CCDC33: variants seen among roughly 807,000 people sequenced by gnomAD.
CCDC33 encodes coiled-coil domain-containing protein 33.
In CCDC33, 94 loss-of-function variants were observed where a neutral mutation model predicts 91.9. That is an observed-to-expected ratio of 1.02 (90% CI 0.87 to 1.21). The LOEUF is 1.21. CCDC33 is among the 50% of genes most tolerant of loss of function. The pLI, the probability that CCDC33 is intolerant of heterozygous loss-of-function variation, is 0.00. For missense variants in CCDC33, 940 were observed against 935.5 expected (o/e 1.00, Z -0.06); for synonymous variants, 396 against 374.5 (o/e 1.06, Z -0.66).
At chr15:74,318,469 A>C in intron 11 of CCDC33, 99 of 460,710 alleles carry the variant, frequency 2.1e-4, no homozygotes, top group Middle Eastern at 4.8e-4. Context: ...AACAAAGGGG[A>C]AGTGGCCCCA....
At chr15:74,306,280 T>C (rs2059892596) in intron 11 of CCDC33, among the ~76,000 whole-genome samples, 2 of 152,154 alleles carry the variant, frequency 1.3e-5, no homozygotes, top group South Asian at 2.1e-4. Flanking sequence ...CCTCAGGAGA[T>C]TGTGGGAGCA....
chr15:74,259,826 C>T (rs879386282), intron 2 of CCDC33, among the ~76,000 whole-genome samples: 2 of 152,196 alleles, frequency 1.3e-5, no homozygotes, highest in Non-Finnish European at 2.9e-5. Flanking sequence ...TTCACACCTT[C>T]ATTTGTGTCT....
At chr15:74,281,913 T>C in intron 10 of CCDC33, 64 bp downstream of exon 10, 1 of 1,422,088 alleles carries the variant, frequency 7.0e-7, no homozygotes, top group Non-Finnish European at 9.9e-7. Flanking sequence ...TCCAACTTCC[T>C]TCACAATTGC....
upstream of CCDC33, among the ~76,000 whole-genome samples, chr15:74,232,212 T>C (rs1409677190): frequency 1.3e-5 from 2 of 151,984 alleles, no homozygotes; most frequent in Admixed American, 6.5e-5. Context: ...GATTGGGCCA[T>C]GGAGAGGGGC....
intron 12 of CCDC33, 70 bp from the exon 13 acceptor site, chr15:74,330,593 G>C: frequency 7.7e-7 from 1 of 1,306,034 alleles, no homozygotes; most frequent in Non-Finnish European, 1.1e-6. Context: ...CTGCCTTCCT[G>C]CTACTGACCA....
At chr15:74,327,252 C>A (rs1370022734) in intron 11 of CCDC33, among the ~76,000 whole-genome samples, 1 of 152,126 alleles carries the variant, frequency 6.6e-6, no homozygotes, top group African/African-American at 2.4e-5. Flanking sequence ...GAGACAGGGA[C>A]GCGGCCTCAC....
chr15:74,255,808 G>A (rs2075843649), intron 2 of CCDC33, among the ~76,000 whole-genome samples: 1 of 152,240 alleles, frequency 6.6e-6, no homozygotes, highest in African/African-American at 2.4e-5. Context: ...CCACTTTGGG[G>A]ACACGCTCTT....
intron 11 of CCDC33, among the ~76,000 whole-genome samples, chr15:74,320,307 A>G (rs953132797): frequency 1.3e-5 from 2 of 152,034 alleles, no homozygotes; most frequent in African/African-American, 4.8e-5. Flanking sequence ...ACCTTCCCTC[A>G]GTGTTCCCCA....
In CCDC33 at chr15:74,336,129, T is replaced by G; in HGVS notation, c.*76T>G. On this transcript the variant is annotated 3_prime_UTR_variant, in exon 19 of 19. Transcript: ENST00000398814. ...CCCTAAAAATGACGTTATTAAATGT[T>G]GTAGCTCTGTGAGCATTTTCCTCTT... The G allele has an allele frequency of 6.4e-7, 1 of 1,569,846 alleles. No individual in the cohort carries two copies. The highest frequency in any genetic ancestry group is 1.4e-5 in the African/African-American group (1 of 73,850).
At chr15:74,221,228 T>G (rs970010073) in intron 2 of CCDC33, 13 of 976,516 alleles carry the variant, frequency 1.3e-5, no homozygotes, top group South Asian at 9.7e-5. Context: ...TTTTTTTTTT[T>G]TTTTTTTTTT....
chr15:74,223,827 C>T (rs987062985), intron 2 of CCDC33, among the ~76,000 whole-genome samples: 4 of 151,824 alleles, frequency 2.6e-5, no homozygotes, highest in African/African-American at 9.7e-5. Flanking sequence ...TTACATTTCT[C>T]CATCAATTTA....
In CCDC33 at chr15:74,281,867, G is replaced by C. The variant is rs74897549; in HGVS notation, c.1095+18G>C. 3.6e-3 allele frequency: 5,757 copies of C among 1,607,976 alleles called. 170 individuals are homozygous for C. The African/African-American group carries it at 0.066, about 18-fold the overall frequency. On this transcript the variant is annotated intron_variant, in intron 10 of 18. Transcript: ENST00000398814. ...CCTCTGAGGTAAGGCTGTGGGCCAG[G>C]GGAGGGTCAGGGCCAGCAGGCACAT...
intron 11 of CCDC33, among the ~76,000 whole-genome samples, chr15:74,308,620 G>A (rs1057054568): frequency 2.6e-4 from 40 of 152,286 alleles, no homozygotes; most frequent in African/African-American, 9.1e-4. Flanking sequence ...CGTTGCCCAC[G>A]GGGGACTAAT....
intron 15 of CCDC33, 50 bp downstream of exon 15, chr15:74,331,346 T>G: frequency 6.3e-7 from 1 of 1,577,408 alleles, no homozygotes; most frequent in Non-Finnish European, 8.7e-7. Flanking sequence ...GCTCCACCCC[T>G]GGAGGCCCTG....
At chr15:74,212,751 G>T (rs1168119933), upstream of CCDC33, 1 of 152,148 alleles carries the variant, frequency 6.6e-6, no homozygotes, top group Non-Finnish European at 1.5e-5. Flanking sequence ...GCCTTCTCCT[G>T]CCCTCCTGTG....
In CCDC33 at chr15:74,268,431, C is replaced by T. The variant is rs1350240166; in HGVS notation, c.519C>T (p.Tyr173=). The change falls in exon 5 of 19, where the codon TAC becomes TAT. Residue 173 remains tyrosine (Y), a synonymous_variant. Coordinates refer to ENST00000398814, the MANE Select transcript of CCDC33 (RefSeq NM_025055.5). ...GGAAGAGCAGCTTCATACCCCGCTA[C>T]ATCGGCTGCAACCACATGGCTCTGG... ...VVRKSSFIPR[Y]IGCNHMALEI... 4 of 1,600,054 alleles carry T rather than the reference C, an allele frequency of 2.5e-6. No homozygotes were observed. The highest frequency in any genetic ancestry group is 1.1e-5 in the South Asian group (1 of 90,718).
chr15:74,213,509 A>T (rs911953428), upstream of CCDC33: 4 of 152,232 alleles, frequency 2.6e-5, no homozygotes, highest in Non-Finnish European at 4.4e-5. Context: ...CTTGTTCTGA[A>T]GGCTCCTGTG....
intron 1 of CCDC33, chr15:74,207,756 GCGGGCC>G: frequency 6.5e-7 from 1 of 1,535,738 alleles, no homozygotes; most frequent in Non-Finnish European, 8.7e-7. Flanking sequence ...TCAACCTCAT[GCGGGCC>G]CGTGAGCTTG....
At chr15:74,267,523 ACT>A (rs1399539955) in intron 4 of CCDC33, among the ~76,000 whole-genome samples, 1 of 150,778 alleles carries the variant, frequency 6.6e-6, no homozygotes, top group Non-Finnish European at 1.5e-5. Context: ...GGTAGAATTC[ACT>A]CTCTCATTGC....
Sources: allele counts gnomAD v4.1 joint callset (sites outside exome capture counted in the v4.1 genomes callset), GRCh38; gene constraint gnomAD v4.1.1; transcripts MANE v1.5; gene names NCBI Gene and HGNC (gene_info 2026-07-23, HGNC 2026-07-21).